Variants in LMNTD2 observed in about 807,000 individuals in gnomAD.
LMNTD2 encodes the protein lamin tail domain-containing protein 2.
LMNTD2 carries 83 observed loss-of-function variants against 70.1 expected under a neutral mutation model. The ratio of observed to expected loss-of-function variants is 1.18; its 90% CI spans 0.99 to 1.42. The LOEUF is 1.42. Ranked by LOEUF, LMNTD2 falls within the 40% of genes most tolerant of loss-of-function variation. The probability of loss-of-function intolerance (pLI) is 0.00; values close to 1 mark genes in which losing one functional copy is unlikely to be tolerated. For synonymous variants in LMNTD2, 534 were observed against 406.1 expected (o/e 1.31, Z -3.79); for missense variants, 1,153 against 905.9 (o/e 1.27, Z -3.50).
intron 12 of LMNTD2, 56 bp from the exon 13 acceptor site, chr11:555,559 G>T: frequency 7.6e-7 from 1 of 1,322,592 alleles, no homozygotes; most frequent in Non-Finnish European, 9.7e-7. Flanking sequence ...CGGCCCTAGA[G>T]GGCTCCGCGC....
intron 1 of LMNTD2, 197 bp from the exon 2 acceptor site, chr11:559,176 T>G: frequency 6.8e-7 from 1 of 1,468,352 alleles, no homozygotes; most frequent in Non-Finnish European, 9.0e-7. Flanking sequence ...GGGACCCACA[T>G]GTGGGTGTCC....
chr11:556,563 C>T lies in LMNTD2; in HGVS notation c.1002G>A (p.Arg334=), dbSNP rs775769085. 6.5e-7 allele frequency: 1 copy of T among 1,549,418 alleles called. No individual in the cohort carries two copies. The highest frequency in any genetic ancestry group is 8.7e-7 in the Non-Finnish European group (1 of 1,149,672). Residue 334 remains arginine, a synonymous_variant, in exon 9 of 14, where the codon AGG becomes AGA. Coordinates refer to ENST00000329451, the MANE Select transcript of LMNTD2 (RefSeq NM_173573.3). ...GGGGCGACAGGACCGGCTCGCCGTG[C>T]CTGGGTGAGTGGGTTTTCTGGAGAT... The part of the protein sequence containing the change: ...SEDLQKTHSP[R]HGEPVLSPQP...
rs758209006 is a variant in LMNTD2, at chr11:555,848, C to A, written c.1460G>T (p.Arg487Leu). 44 of 1,554,448 alleles carry A rather than the reference C, an allele frequency of 2.8e-5. No individual in the cohort carries two copies. The highest frequency in any genetic ancestry group is 3.7e-5 in the Non-Finnish European group (43 of 1,157,284). The change falls in exon 12 of 14, where the codon CGC becomes CTC. Residue 487 changes from arginine to leucine, a missense_variant. Transcript: ENST00000329451. ...FADGTDLSID[R>L]FPLPEAGPGA... ...GGGCCCGGCCTCAGGGAGCGGGAAG[C>A]GGTCGATGGACAAGTCGGTGCCGTC...
In LMNTD2 at chr11:558,736, T is replaced by C. The variant is rs767342468; in HGVS notation, c.189A>G (p.Thr63=). The part of the protein sequence containing the change: ...QLALESLDPR[T]LRLLWRQREL... ...CTCGCTGTCTCCACAGCAGCCGCAG[T>C]GTGCGAGGGTCCAGGGACTCAAGAG... is the stretch of plus-strand genomic sequence containing the variant. Residue 63 remains threonine, a synonymous_variant, in exon 3 of 14, where the codon ACA becomes ACG. Transcript: ENST00000329451. 3 of 1,608,604 alleles carry C rather than the reference T, an allele frequency of 1.9e-6. No individual in the cohort carries two copies. Among genetic ancestry groups the C allele is most frequent in the South Asian group, 2.2e-5 (2 of 90,532 alleles).
chr11:559,390 T>G, intron 1 of LMNTD2: 1 of 1,317,950 alleles, frequency 7.6e-7, no homozygotes, highest in East Asian at 5.3e-5. Context: ...AAGGGCTGTA[T>G]ACCGTTGCCA....
rs913347406 is a variant in LMNTD2 at position 556,639 on chromosome 11, CG to C, written c.977-52del. On this transcript the variant is annotated intron_variant, in intron 8 of 13. Transcript: ENST00000329451. ...GGGGACCCTCGAATGGAGTCCCCAC[CG>C]GATGTTCCCCGTGAGGTCAGAACAG... 7.6e-6 allele frequency: 11 copies of C among 1,444,284 alleles called. No homozygotes were observed. The African/African-American group carries it at 1.6e-4, about 21-fold the overall frequency. The allele number at this position is 1,444,284 out of a possible 1,614,324, so 89.5% of individuals were successfully genotyped here.
Position 556,823 on chromosome 11 carries a change from G to T in LMNTD2, c.976+12C>A, listed in dbSNP as rs766235244. The T allele has an allele frequency of 1.3e-6, 2 of 1,549,256 alleles. No homozygotes were observed. Among genetic ancestry groups the T allele is most frequent in the East Asian group, 2.3e-5 (1 of 43,288 alleles). On this transcript the variant is annotated intron_variant, in intron 8 of 13. Transcript: ENST00000329451. ...GGTGAAGGGTAACCAGGGGAGACCC[G>T]CCCCACTGCACCTTCTGAGTCCCTG... is the stretch of plus-strand genomic sequence containing the variant.
Position 555,730 on chromosome 11 carries a change from C to T in LMNTD2, c.1574+4G>A, listed in dbSNP as rs2134092226. 7.2e-7 allele frequency: 1 copy of T among 1,394,352 alleles called. No homozygotes were observed. Among genetic ancestry groups the T allele is most frequent in the Non-Finnish European group, 9.2e-7 (1 of 1,085,688 alleles). 86.4% of individuals were successfully genotyped at this position (1,394,352 alleles called of 1,614,324 possible). On this transcript the variant is annotated splice_donor_region_variant and intron_variant, in intron 12 of 13. Transcript: ENST00000329451. The stretch of plus-strand genomic sequence containing the variant: ...GCCAGATCCCGGGGACCCGCGGTCC[C>T]CACCCTGGTCTCCGGCGACTGACCC...
Position 557,420 on chromosome 11 carries a change from A to C in LMNTD2, c.692T>G (p.Met231Arg), listed in dbSNP as rs774340667. 1 of 1,607,778 alleles carries C rather than the reference A, an allele frequency of 6.2e-7. No homozygotes were observed. Among genetic ancestry groups the C allele is most frequent in the East Asian group, 2.2e-5 (1 of 44,694 alleles). Residue 231 changes from methionine (M) to arginine (R), a missense_variant, in exon 7 of 14, where the codon ATG (methionine) becomes AGG (arginine). Physicochemically the swap from Met to Arg is moderately conservative, Grantham distance 91. Coordinates refer to ENST00000329451, the MANE Select transcript of LMNTD2 (RefSeq NM_173573.3). ...TTACTTTTGCTTTGAGCTGGGCTCC[A>C]TGTTGGTGAAGAGGTTGGGATACCG... ...ARRYPNLFTN[M>R]EPSSKQKQPR...
Position 556,564 on chromosome 11 carries a change from C to T in LMNTD2, c.1001G>A (p.Arg334Lys), listed in dbSNP as rs2134096539. 1.3e-6 allele frequency: 2 copies of T among 1,550,084 alleles called. No homozygotes were observed. The highest frequency in any genetic ancestry group is 2.4e-5 in the South Asian group (2 of 83,702). ...GGGCGACAGGACCGGCTCGCCGTGC[C>T]TGGGTGAGTGGGTTTTCTGGAGATC... Reference protein sequence around the residue: ...SEDLQKTHSPRHGEPVLSPQP... With the variant: ...SEDLQKTHSPKHGEPVLSPQP... The change falls in exon 9 of 14, where the codon AGG becomes AAG. Residue 334 changes from arginine (R) to lysine (K), a missense_variant. Arg to Lys is a conservative substitution (Grantham distance 26). Coordinates refer to ENST00000329451, the MANE Select transcript of LMNTD2 (RefSeq NM_173573.3).
intron 5 of LMNTD2, 99 bp downstream of exon 5, chr11:557,785 C>A: frequency 1.3e-6 from 2 of 1,530,126 alleles, no homozygotes; most frequent in Non-Finnish European, 1.8e-6. Flanking sequence ...GCAGGGCAGG[C>A]TTCCAGGCAG....
Position 555,443 on chromosome 11 carries a change from A to C in LMNTD2, c.1635T>G (p.Pro545=). 7.2e-7 allele frequency: 1 copy of C among 1,382,512 alleles called. No homozygotes were observed. Among genetic ancestry groups the C allele is most frequent in the South Asian group, 1.7e-5 (1 of 58,520 alleles). The allele number at this position is 1,382,512 out of a possible 1,614,324, so 85.6% of individuals were successfully genotyped here. The part of the protein sequence containing the change: ...SGKLFHAREG[P]ARPENPEIPA... ...GGATCTCGGGGTTCTCGGGCCGCGC[A>C]GGCCCCTCCCGCGCGTGGAAGAGCT... The change falls in exon 13 of 14, where the codon CCT becomes CCG. Residue 545 remains proline (P), a synonymous_variant. Coordinates refer to ENST00000329451, the MANE Select transcript of LMNTD2 (RefSeq NM_173573.3).
At position 555,298 on chromosome 11, in the gene LMNTD2, C is replaced by G. The variant is rs138037086; in HGVS notation, c.1773+7G>C. The G allele has an allele frequency of 0.015, 20,940 of 1,403,270 alleles. 197 individuals carry two copies. Among genetic ancestry groups the G allele is most frequent in the Middle Eastern group, 0.021 (99 of 4,660 alleles). The allele number at this position is 1,403,270 out of a possible 1,614,324, so 86.9% of individuals were successfully genotyped here. On this transcript the variant is annotated splice_region_variant and intron_variant, in intron 13 of 13. Coordinates refer to ENST00000329451, the MANE Select transcript of LMNTD2 (RefSeq NM_173573.3). Reference sequence around the variant, plus strand: ...AGGAGGGGGCGCACCCGCAAGCGCGCACTCACCCGAACTCGGTGTTCTTTC... The same window carrying G: ...AGGAGGGGGCGCACCCGCAAGCGCGGACTCACCCGAACTCGGTGTTCTTTC...
Position 555,510 on chromosome 11 carries a change from G to T in LMNTD2, c.1575-7C>A. The T allele has an allele frequency of 1.5e-6, 2 of 1,359,126 alleles. No individual in the cohort carries two copies. The highest frequency in any genetic ancestry group is 1.9e-6 in the Non-Finnish European group (2 of 1,062,124). 84.2% of individuals were successfully genotyped at this position (1,359,126 alleles called of 1,614,324 possible). A position where few individuals can be genotyped will look rare whatever the true frequency, so the allele number is the denominator to read the frequency against. On this transcript the variant is annotated splice_region_variant and splice_polypyrimidine_tract_variant and intron_variant, in intron 12 of 13. Transcript: ENST00000329451. ...GGGCAGCAGGCCCCGCGTCCTGGTG[G>T]GGCGAGGGTCGTGAGGGCGGCGGCC... is the stretch of plus-strand genomic sequence containing the variant.
chr11:555,130 G>C lies in LMNTD2; in HGVS notation c.1774-19C>G, dbSNP rs200292905. 9,144 of 1,297,838 alleles carry C rather than the reference G, an allele frequency of 7.0e-3. 41 individuals are homozygous for C. The highest frequency in any genetic ancestry group is 0.011 in the Admixed American group (339 of 30,820). The allele number at this position is 1,297,838 out of a possible 1,614,324, so 80.4% of individuals were successfully genotyped here. A position where few individuals can be genotyped will look rare whatever the true frequency, so the allele number is the denominator to read the frequency against. Reference sequence around the variant, plus strand: ...GGCACACCTGGGGGGCGCGGGGGCTGAGAGGCGCGCGGGGCGGGGCGGGGA... The same window carrying C: ...GGCACACCTGGGGGGCGCGGGGGCTCAGAGGCGCGCGGGGCGGGGCGGGGA... On this transcript the variant is annotated intron_variant, in intron 13 of 13. Coordinates refer to ENST00000329451, the MANE Select transcript of LMNTD2 (RefSeq NM_173573.3).
Position 558,850 on chromosome 11 carries a change from C to T in LMNTD2, c.158+6G>A, listed in dbSNP as rs1288327006. On this transcript the variant is annotated splice_donor_region_variant and intron_variant, in intron 2 of 13. Coordinates refer to ENST00000329451, the MANE Select transcript of LMNTD2 (RefSeq NM_173573.3). The stretch of plus-strand genomic sequence containing the variant: ...GAGGCTCACCAGTCCTCCCTCTCCT[C>T]CTTACTGCGGGTCGGCAGAGCAGAC... The T allele has an allele frequency of 6.2e-6, 10 of 1,600,248 alleles. No individual in the cohort carries two copies. Among genetic ancestry groups the T allele is most frequent in the Non-Finnish European group, 7.7e-6 (9 of 1,169,874 alleles).
chr11:557,254 C>A (rs1852948829), intron 7 of LMNTD2, 145 bp downstream of exon 7: 2 of 1,368,732 alleles, frequency 1.5e-6, no homozygotes, highest in Admixed American at 2.2e-5. Flanking sequence ...AACCCCAACG[C>A]ATTCTACAGA....
intron 4 of LMNTD2, 54 bp from the exon 5 acceptor site, chr11:558,093 C>T: frequency 6.3e-7 from 1 of 1,599,668 alleles, no homozygotes; most frequent in South Asian, 1.1e-5. Flanking sequence ...TGCAGAAGGC[C>T]CCCAGGCCAG....
chr11:558,565 G>A (rs564413903), intron 3 of LMNTD2, 49 bp downstream of exon 3: 96 of 1,555,552 alleles, frequency 6.2e-5, no homozygotes, highest in East Asian at 5.0e-4. Flanking sequence ...CCAGGAGTCC[G>A]GGCGAGGACA....
Sources: gnomAD v4.1 joint callset for allele counts on GRCh38, gnomAD v4.1.1 for gene constraint, MANE v1.5 for transcripts, NCBI Gene and HGNC (gene_info 2026-07-23, HGNC 2026-07-21) for gene names.